Variants in VAC14 observed in about 807,000 individuals in gnomAD.
The protein encoded by VAC14 is protein VAC14 homolog.
A neutral mutation model predicts 85.3 loss-of-function variants in VAC14; 47 were observed. The observed-to-expected ratio is 0.55, with a 90% CI of 0.44 to 0.70. The LOEUF (loss-of-function observed/expected upper bound fraction) is 0.70. Ranked by LOEUF, VAC14 falls within the 30% of genes least tolerant of loss-of-function variation. The pLI is 0.00. For synonymous variants in VAC14, 447 were observed against 430.5 expected (o/e 1.04, Z -0.47); for missense variants, 861 against 1,004.3 (o/e 0.86, Z 1.93).
At chr16:70,789,633 A>G (rs147331180) in intron 1 of VAC14, among the ~76,000 whole-genome samples, 1 of 152,354 alleles carries the variant, frequency 6.6e-6, no homozygotes, top group East Asian at 1.9e-4. Flanking sequence ...CACACTGCCT[A>G]AAGAATTTAT....
At chr16:70,719,975 A>T (rs117280203) in intron 14 of VAC14, among the ~76,000 whole-genome samples, 1,722 of 152,354 alleles carry the variant, frequency 0.011, 18 homozygotes, top group Non-Finnish European at 0.017. Flanking sequence ...GAGATAAATA[A>T]ATCACGGTAT....
At chr16:70,749,146 C>A (rs1257230664) in intron 12 of VAC14, among the ~76,000 whole-genome samples, 1 of 152,184 alleles carries the variant, frequency 6.6e-6, no homozygotes, top group Non-Finnish European at 1.5e-5. Context: ...GCTGGCTCAC[C>A]ACTTCCATTC....
intron 14 of VAC14, among the ~76,000 whole-genome samples, chr16:70,730,947 T>TG (rs935778729): frequency 6.6e-6 from 1 of 152,214 alleles, no homozygotes; most frequent in Non-Finnish European, 1.5e-5. Context: ...AGGGTGACAC[T>TG]GGGCCACTCT....
chr16:70,744,632 G>C, intron 12 of VAC14, 53 bp from the exon 13 acceptor site: 1 of 1,521,422 alleles, frequency 6.6e-7, no homozygotes, highest in East Asian at 2.3e-5. Context: ...GAGCTGTGCT[G>C]ACCTGGGCAG....
chr16:70,783,400 G>T, intron 6 of VAC14, 45 bp downstream of exon 6: 1 of 1,585,318 alleles, frequency 6.3e-7, no homozygotes, highest in Non-Finnish European at 8.7e-7. Flanking sequence ...GGGCACAGCT[G>T]GGGGTGGCAG....
At chr16:70,744,945 A>G (rs1436421283) in intron 12 of VAC14, 1 of 202,010 alleles carries the variant, frequency 5.0e-6, no homozygotes, top group African/African-American at 2.3e-5. Flanking sequence ...TGTGCACTTC[A>G]AGGCCCGCAG....
chr16:70,782,077 G>C (rs549370361), intron 7 of VAC14, 74 bp from the exon 8 acceptor site: 2 of 1,560,760 alleles, frequency 1.3e-6, no homozygotes, highest in Admixed American at 1.8e-5. Flanking sequence ...GACCATACAC[G>C]TGGGATGGGG....
chr16:70,724,329 T>C (rs999368811), intron 14 of VAC14, among the ~76,000 whole-genome samples: 3 of 152,082 alleles, frequency 2.0e-5, no homozygotes, highest in Admixed American at 2.0e-4. Context: ...CACCCCCCAC[T>C]CCATCTCCAG....
intron 12 of VAC14, among the ~76,000 whole-genome samples, chr16:70,754,346 C>G (rs2031652592): frequency 6.6e-6 from 1 of 152,176 alleles, no homozygotes; most frequent in East Asian, 1.9e-4. Context: ...GATTTGCCGC[C>G]AAGCCTCATT....
At chr16:70,773,756 AATTATT>A (rs35548063) in intron 9 of VAC14, among the ~76,000 whole-genome samples, 2 of 151,770 alleles carry the variant, frequency 1.3e-5, no homozygotes, top group African/African-American at 2.4e-5. Context: ...CCCATAGTTC[AATTATT>A]ATTATTATTA....
intron 13 of VAC14, among the ~76,000 whole-genome samples, chr16:70,734,779 C>A (rs573731362): frequency 2.7e-5 from 4 of 148,764 alleles, no homozygotes; most frequent in African/African-American, 1.0e-4. Context: ...ACCCTAAAAA[C>A]CAACCAACAA....
At chr16:70,752,996 T>C (rs980332973) in intron 12 of VAC14, among the ~76,000 whole-genome samples, 5 of 148,580 alleles carry the variant, frequency 3.4e-5, no homozygotes, top group African/African-American at 1.3e-4. Context: ...CCAGCCTTGA[T>C]GTGCAGGAGG....
intron 16 of VAC14, among the ~76,000 whole-genome samples, chr16:70,696,282 A>G (rs1567521174): frequency 6.6e-6 from 1 of 152,076 alleles, no homozygotes; most frequent in Non-Finnish European, 1.5e-5. Flanking sequence ...GGAGGCCGAG[A>G]TGGGCAGATC....
intron 14 of VAC14, among the ~76,000 whole-genome samples, chr16:70,708,830 G>A (rs941170779): frequency 1.3e-5 from 2 of 152,238 alleles, no homozygotes; most frequent in South Asian, 2.1e-4. Context: ...GCAAGAGTGC[G>A]GCCGGTCTGG....
At chr16:70,767,477 T>G (rs774778673) in intron 10 of VAC14, among the ~76,000 whole-genome samples, 6 of 152,228 alleles carry the variant, frequency 3.9e-5, no homozygotes, top group Non-Finnish European at 8.8e-5. Context: ...CCTGCTTATT[T>G]ACAGGGCAGC....
chr16:70,752,716 C>A (rs1399328857), intron 12 of VAC14, among the ~76,000 whole-genome samples: 1 of 152,256 alleles, frequency 6.6e-6, no homozygotes, highest in Non-Finnish European at 1.5e-5. Flanking sequence ...GCAGGCTCTA[C>A]CCCATAGGCC....
intron 14 of VAC14, among the ~76,000 whole-genome samples, chr16:70,720,732 A>G (rs999509684): frequency 1.3e-5 from 2 of 152,228 alleles, no homozygotes; most frequent in Non-Finnish European, 2.9e-5. Flanking sequence ...AGGTGGAAGC[A>G]AATGCTCTCC....
At chr16:70,690,149 G>C (rs1038441050) in intron 18 of VAC14, 1 of 985,606 alleles carries the variant, frequency 1.0e-6, no homozygotes, top group Non-Finnish European at 1.2e-6. Context: ...GGGGTGGGAA[G>C]AGTGGGCCAC....
chr16:70,798,336 T>C (rs923970152), intron 1 of VAC14, among the ~76,000 whole-genome samples: 1 of 152,206 alleles, frequency 6.6e-6, no homozygotes, highest in East Asian at 1.9e-4. Flanking sequence ...CGGACTCTTC[T>C]TTTGTTGGGC....
Sources: allele counts gnomAD v4.1 joint callset (sites outside exome capture counted in the v4.1 genomes callset), GRCh38; gene constraint gnomAD v4.1.1; transcripts MANE v1.5; gene names NCBI Gene and HGNC (gene_info 2026-07-23, HGNC 2026-07-21).